Variants in SDCCAG8 observed in about 807,000 individuals in gnomAD.
SDCCAG8 encodes SHH signaling and ciliogenesis regulator SDCCAG8.
Under a neutral mutation model 101.8 loss-of-function variants are expected in SDCCAG8, and 74 were observed. The ratio of observed to expected loss-of-function variants is 0.73; its 90% CI spans 0.60 to 0.88. SDCCAG8 has a LOEUF of 0.88. Ranked by LOEUF, SDCCAG8 falls within the 40% of genes least tolerant of loss-of-function variation. SDCCAG8 has a pLI of 0.00. For missense variants in SDCCAG8, 787 were observed against 822.6 expected (o/e 0.96, Z 0.53); for synonymous variants, 281 against 292.9 (o/e 0.96, Z 0.41).
chr1:243,422,391 G>C (rs1448450529), intron 15 of SDCCAG8, among the ~76,000 whole-genome samples: 3 of 152,088 alleles, frequency 2.0e-5, no homozygotes. Flanking sequence ...CAATGATCCC[G>C]GTTTTAATCA....
At position 243,416,753 on chromosome 1, in the gene SDCCAG8, G is replaced by A. The variant is rs2148015460; in HGVS notation, c.1744+924G>A. On this transcript the variant is annotated intron_variant, in intron 14 of 17. Coordinates refer to ENST00000366541, the MANE Select transcript of SDCCAG8 (RefSeq NM_006642.5). This position sits in a 1 kb window ranked among gnomAD's most constrained non-coding sequence, Gnocchi z 4.3. ...AGACAGTGTTAGTCAAAACAAGACA[G>A]TGTCAGTCATTATAATTCCACACCA... is the stretch of plus-strand genomic sequence containing the variant. 6.6e-6 allele frequency among the ~76,000 whole-genome samples: 1 copy of A among 152,326 alleles called. No individual in the cohort carries two copies. The highest frequency in any genetic ancestry group is 2.4e-5 in the African/African-American group (1 of 41,594).
chr1:243,348,274 T>C (rs1573473520), intron 12 of SDCCAG8, among the ~76,000 whole-genome samples: 1 of 150,034 alleles, frequency 6.7e-6, no homozygotes, highest in East Asian at 2.0e-4. Flanking sequence ...ATGGTCTCGA[T>C]CTCCTGACCT....
chr1:243,360,982 C>T (rs75448627), intron 12 of SDCCAG8, among the ~76,000 whole-genome samples: 6 of 152,186 alleles, frequency 3.9e-5, no homozygotes, highest in Non-Finnish European at 7.4e-5. Flanking sequence ...TACAACTGGG[C>T]AGTGAATATA....
chr1:243,412,901 T>A (rs1437121491), intron 13 of SDCCAG8, among the ~76,000 whole-genome samples: 1 of 152,142 alleles, frequency 6.6e-6, no homozygotes, highest in Non-Finnish European at 1.5e-5. Flanking sequence ...GAGGTTCCCT[T>A]TTAGTTCTAA....
In SDCCAG8 at chr1:243,458,423, A is replaced by G. The variant is rs1658282118; in HGVS notation, c.1986-30591A>G. Among the ~76,000 whole-genome samples, 1 of 151,904 alleles carries G rather than the reference A, an allele frequency of 6.6e-6. No individual in the cohort carries two copies. Among genetic ancestry groups the G allele is most frequent in the Non-Finnish European group, 1.5e-5 (1 of 67,998 alleles). On this transcript the variant is annotated intron_variant, in intron 16 of 17. Transcript: ENST00000366541. This position sits in a 1 kb window ranked among gnomAD's most constrained non-coding sequence, Gnocchi z 4.5. ...TGTAAGATATAATAAATATATAATA[A>G]TCGTCATTGTAATTCTCATCACTGT...
chr1:243,378,869 C>T lies in SDCCAG8; in HGVS notation c.1616+6C>T, dbSNP rs375453534. On this transcript the variant is annotated splice_donor_region_variant and intron_variant, in intron 13 of 17. Coordinates refer to ENST00000366541, the MANE Select transcript of SDCCAG8 (RefSeq NM_006642.5). Reference sequence around the variant, plus strand: ...CACCAACTGCACCTCACCAGGTACTCCCTAATCCCATTATGCGCCATAGCA... The same window carrying T: ...CACCAACTGCACCTCACCAGGTACTTCCTAATCCCATTATGCGCCATAGCA... 6.2e-7 allele frequency: 1 copy of T among 1,613,968 alleles called. No homozygotes were observed. Among genetic ancestry groups the T allele is most frequent in the Middle Eastern group, 1.7e-4 (1 of 6,060 alleles).
intron 12 of SDCCAG8, among the ~76,000 whole-genome samples, chr1:243,346,704 G>A (rs898060823): frequency 6.6e-6 from 1 of 152,102 alleles, no homozygotes; most frequent in Non-Finnish European, 1.5e-5. Context: ...ACCGATGGGC[G>A]GATTATCCTT....
chr1:243,267,973 C>T (rs2067766623), intron 1 of SDCCAG8: 11 of 781,654 alleles, frequency 1.4e-5, no homozygotes, highest in Middle Eastern at 2.4e-4. Context: ...AAAGGTGTTG[C>T]GGAACTTCTC....
At chr1:243,434,138 T>TA (rs2081980722) in intron 16 of SDCCAG8, among the ~76,000 whole-genome samples, 1 of 152,246 alleles carries the variant, frequency 6.6e-6, no homozygotes, top group South Asian at 2.1e-4. Flanking sequence ...ATTGTTTTGT[T>TA]AACCCCCTAC....
chr1:243,315,490 T>C (rs1189024111), intron 8 of SDCCAG8, among the ~76,000 whole-genome samples: 1 of 152,234 alleles, frequency 6.6e-6, no homozygotes, highest in African/African-American at 2.4e-5. Flanking sequence ...TCTGCTTCCA[T>C]GAATTTTATA....
chr1:243,492,240 G>A (rs996109647), intron 17 of SDCCAG8, among the ~76,000 whole-genome samples: 8 of 149,760 alleles, frequency 5.3e-5, no homozygotes, highest in Non-Finnish European at 1.2e-4. Flanking sequence ...CCCCGGCGCT[G>A]TCTGCGGTGG....
At chr1:243,292,828 A>G (rs1006651814) in intron 5 of SDCCAG8, among the ~76,000 whole-genome samples, 4 of 152,242 alleles carry the variant, frequency 2.6e-5, no homozygotes, top group African/African-American at 9.6e-5. Flanking sequence ...GGAGTAAAGA[A>G]TAATTCCATT....
rs1338147107 is a variant in SDCCAG8, at chr1:243,340,939, G to C, written c.1222-100G>C. 3 of 1,222,236 alleles carry C rather than the reference G, an allele frequency of 2.5e-6. No individual in the cohort carries two copies. The African/African-American group carries it at 4.5e-5, about 18-fold the overall frequency. The allele number at this position is 1,222,236 out of a possible 1,614,324, so 75.7% of individuals were successfully genotyped here. A position where few individuals can be genotyped will look rare whatever the true frequency, so the allele number is the denominator to read the frequency against. On this transcript the variant is annotated intron_variant, in intron 10 of 17. Transcript: ENST00000366541. ...CCAATCCACAGAGAAATGGCTCACA[G>C]AGCCCAGTGACTATGCTGAGACGCT...
At chr1:243,320,301 C>T (rs923316155) in intron 9 of SDCCAG8, among the ~76,000 whole-genome samples, 5 of 152,160 alleles carry the variant, frequency 3.3e-5, no homozygotes, top group Admixed American at 6.5e-5. Flanking sequence ...GCTTGCCTCC[C>T]TCCTTCGTTC....
chr1:243,402,633 C>T (rs2079485743), intron 13 of SDCCAG8, among the ~76,000 whole-genome samples: 1 of 152,134 alleles, frequency 6.6e-6, no homozygotes, highest in African/African-American at 2.4e-5. Flanking sequence ...ACTAACCCCA[C>T]GTGGCCAGTG....
chr1:243,460,949 A>T (rs1293274824), intron 16 of SDCCAG8, among the ~76,000 whole-genome samples: 2 of 152,188 alleles, frequency 1.3e-5, no homozygotes, highest in African/African-American at 4.8e-5. Context: ...TACCTATTTA[A>T]TGCTACTTAG....
intron 16 of SDCCAG8, among the ~76,000 whole-genome samples, chr1:243,471,001 A>C (rs1661150197): frequency 6.6e-6 from 1 of 152,164 alleles, no homozygotes; most frequent in African/African-American, 2.4e-5. Flanking sequence ...AAGAAGAAAT[A>C]TCTGTATAGG....
At chr1:243,499,614 T>C (rs150553393) in intron 17 of SDCCAG8, 142 bp from the exon 18 acceptor site, 72 of 728,226 alleles carry the variant, frequency 9.9e-5, no homozygotes, top group Middle Eastern at 8.7e-4. Context: ...AAACTTTTCA[T>C]ATAATTTCCA....
At chr1:243,317,319 A>ATTT (rs34669151) in intron 9 of SDCCAG8, among the ~76,000 whole-genome samples, 6 of 133,574 alleles carry the variant, frequency 4.5e-5, no homozygotes, top group Non-Finnish European at 6.4e-5. Context: ...ATTTAGTAGC[A>ATTT]TTTTTTTTTT....
Sources: allele counts gnomAD v4.1 joint callset (sites outside exome capture counted in the v4.1 genomes callset), GRCh38; gene constraint gnomAD v4.1.1; non-coding constraint Gnocchi (gnomAD v3.1); transcripts MANE v1.5; gene names NCBI Gene and HGNC (gene_info 2026-07-23, HGNC 2026-07-21).